CTTNBP2: variants seen among roughly 807,000 people sequenced by gnomAD.
The protein encoded by CTTNBP2 is cortactin binding protein 2.
A neutral mutation model predicts 156.9 loss-of-function variants in CTTNBP2; 108 were observed. That is an observed-to-expected ratio of 0.69 (90% confidence interval 0.59 to 0.81). The LOEUF is 0.81. Ranked by LOEUF, CTTNBP2 falls within the 30% of genes least tolerant of loss-of-function variation. CTTNBP2 has a pLI of 0.00. For synonymous variants in CTTNBP2, 767 were observed against 751.8 expected (o/e 1.02, Z -0.33); for missense variants, 1,924 against 2,035.4 (o/e 0.95, Z 1.05).
At chr7:117,834,269 G>A (rs935828534) in intron 2 of CTTNBP2, among the ~76,000 whole-genome samples, 1 of 152,040 alleles carries the variant, frequency 6.6e-6, no homozygotes, top group African/African-American at 2.4e-5. Context: ...TGGTCAGGCT[G>A]GTCTCAAACT....
chr7:117,865,176 C>A (rs1205961869), intron 1 of CTTNBP2, among the ~76,000 whole-genome samples: 1 of 151,664 alleles, frequency 6.6e-6, no homozygotes, highest in Non-Finnish European at 1.5e-5. Context: ...AATGCTGCCA[C>A]TCACACAAAA....
chr7:117,848,919 T>C (rs1802766821), intron 2 of CTTNBP2, among the ~76,000 whole-genome samples: 1 of 152,238 alleles, frequency 6.6e-6, no homozygotes, highest in Non-Finnish European at 1.5e-5. Flanking sequence ...AATCAGTCGA[T>C]TGCATACAGT....
chr7:117,801,605 A>G (rs965358220), intron 3 of CTTNBP2, among the ~76,000 whole-genome samples: 4 of 152,230 alleles, frequency 2.6e-5, no homozygotes, highest in African/African-American at 7.2e-5. Flanking sequence ...ATTTTAAAAA[A>G]CTGTATGGTG....
intron 3 of CTTNBP2, among the ~76,000 whole-genome samples, chr7:117,800,959 T>C (rs1799574985): frequency 6.6e-6 from 1 of 152,146 alleles, no homozygotes; most frequent in South Asian, 2.1e-4. Flanking sequence ...AGTATCTTGC[T>C]GCAAGTGCTA....
intron 10 of CTTNBP2, among the ~76,000 whole-genome samples, chr7:117,759,108 A>T (rs1010872883): frequency 1.3e-5 from 2 of 152,116 alleles, no homozygotes; most frequent in South Asian, 2.1e-4. Flanking sequence ...ACATTATAAC[A>T]ATTCTATAAT....
intron 3 of CTTNBP2, among the ~76,000 whole-genome samples, 183 bp downstream of exon 3, chr7:117,810,582 T>A (rs1234662184): frequency 1.3e-5 from 2 of 152,244 alleles, no homozygotes; most frequent in Non-Finnish European, 2.9e-5. Context: ...TTTAGTGTTA[T>A]TTTGAGTTAC....
At chr7:117,814,754 A>G (rs548038958) in intron 2 of CTTNBP2, among the ~76,000 whole-genome samples, 1 of 152,348 alleles carries the variant, frequency 6.6e-6, no homozygotes, top group South Asian at 2.1e-4. Flanking sequence ...TTGCTTCACA[A>G]ATATGGACTG....
intron 3 of CTTNBP2, chr7:117,793,661 G>C (rs1309039549): frequency 6.6e-6 from 1 of 152,278 alleles, no homozygotes; most frequent in Non-Finnish European, 1.5e-5. Context: ...TCACCCAGCT[G>C]CCTGCCCAGG....
At chr7:117,814,645 C>T (rs1800475156) in intron 2 of CTTNBP2, among the ~76,000 whole-genome samples, 1 of 152,170 alleles carries the variant, frequency 6.6e-6, no homozygotes, top group Admixed American at 6.5e-5. Flanking sequence ...TCAGGCTGAT[C>T]TTGAACTCCT....
intron 4 of CTTNBP2, chr7:117,786,336 G>C (rs1301942154): frequency 2.6e-6 from 1 of 385,562 alleles, no homozygotes; most frequent in Admixed American, 3.6e-5. Context: ...TTTTCCTACT[G>C]ATACTCATTA....
chr7:117,868,023 T>C (rs1327127318), intron 1 of CTTNBP2, among the ~76,000 whole-genome samples: 2 of 152,258 alleles, frequency 1.3e-5, no homozygotes, highest in East Asian at 3.9e-4. Flanking sequence ...CTCAGCTACC[T>C]CCCTTTTCCT....
chr7:117,790,978 T>C (rs960262992), intron 4 of CTTNBP2, 150 bp downstream of exon 4: 1 of 624,380 alleles, frequency 1.6e-6, no homozygotes, highest in Non-Finnish European at 2.6e-6. Context: ...TTAAAAAAAA[T>C]ACAAAAAAAG....
chr7:117,726,725 TG>T (rs1262954309), intron 17 of CTTNBP2, among the ~76,000 whole-genome samples: 2 of 152,034 alleles, frequency 1.3e-5, no homozygotes, highest in Non-Finnish European at 2.9e-5. Context: ...CTTGGAGGGA[TG>T]GGAAGGGGGG....
At chr7:117,836,532 C>T (rs1360465005) in intron 2 of CTTNBP2, among the ~76,000 whole-genome samples, 1 of 152,164 alleles carries the variant, frequency 6.6e-6, no homozygotes, top group Non-Finnish European at 1.5e-5. Context: ...CACTGCACTC[C>T]AGCCTGGGCG....
intron 16 of CTTNBP2, among the ~76,000 whole-genome samples, chr7:117,731,644 G>C (rs1584912310): frequency 6.6e-6 from 1 of 152,208 alleles, no homozygotes; most frequent in African/African-American, 2.4e-5. Flanking sequence ...ACTGGAGCTT[G>C]GTGTGCCACA....
chr7:117,720,981 T>TAATG, intron 20 of CTTNBP2, 86 bp downstream of exon 20: 2 of 842,742 alleles, frequency 2.4e-6, no homozygotes, highest in Non-Finnish European at 3.9e-6. Context: ...GTCATTCAAA[T>TAATG]GAGAACATGG....
chr7:117,756,280 G>A (rs539048924), intron 12 of CTTNBP2, among the ~76,000 whole-genome samples: 17 of 152,200 alleles, frequency 1.1e-4, no homozygotes, highest in Admixed American at 3.9e-4. Flanking sequence ...TCAAGTCCTT[G>A]TTAAAGGAAG....
At chr7:117,749,702 T>C (rs1388312802) in intron 12 of CTTNBP2, among the ~76,000 whole-genome samples, 1 of 147,182 alleles carries the variant, frequency 6.8e-6, no homozygotes, top group Admixed American at 6.7e-5. Context: ...GGTATAAATC[T>C]TTTTTTATTT....
At chr7:117,782,043 T>A (rs1371246829) in intron 6 of CTTNBP2, among the ~76,000 whole-genome samples, 2 of 152,310 alleles carry the variant, frequency 1.3e-5, no homozygotes, top group East Asian at 3.9e-4. Context: ...TTTTGAATTT[T>A]AAAAAATTAT....
Sources: allele counts gnomAD v4.1 joint callset (sites outside exome capture counted in the v4.1 genomes callset), GRCh38; gene constraint gnomAD v4.1.1; transcripts MANE v1.5; gene names NCBI Gene and HGNC (gene_info 2026-07-23, HGNC 2026-07-21).